The following UBE2F variants were observed in gnomAD, a reference collection of about 807,000 sequenced individuals.
The protein encoded by UBE2F is NEDD8-conjugating enzyme UBE2F.
A neutral mutation model predicts 29.6 loss-of-function variants in UBE2F; 5 were observed. That is an observed-to-expected ratio of 0.17 (90% CI 0.09 to 0.36). The LOEUF is 0.36. Ranked by LOEUF, UBE2F falls within the 10% of genes least tolerant of loss-of-function variation. The pLI is 1.00. For synonymous variants in UBE2F, 66 were observed against 81.8 expected, an observed-to-expected ratio of 0.81 and a Z score of 1.04; for missense variants, 141 against 228.5, an observed-to-expected ratio of 0.62 and a Z score of 2.47.
intron 4 of UBE2F, among the ~76,000 whole-genome samples, chr2:237,996,313 T>G (rs1162513977): frequency 1.3e-5 from 2 of 152,206 alleles, no homozygotes; most frequent in Non-Finnish European, 2.9e-5. Flanking sequence ...CTAGGGCATT[T>G]TCAATGGCTA....
intron 5 of UBE2F, among the ~76,000 whole-genome samples, chr2:238,017,064 C>G (rs1029854634): frequency 3.3e-5 from 5 of 152,142 alleles, no homozygotes; most frequent in African/African-American, 1.2e-4. Context: ...TCATGTTAAT[C>G]CCTCAAAGAT....
At chr2:238,005,321 G>A (rs1313522080) in intron 4 of UBE2F, among the ~76,000 whole-genome samples, 1 of 152,028 alleles carries the variant, frequency 6.6e-6, no homozygotes. Context: ...TCAGCCTCCT[G>A]AGGTAGCTGG....
At chr2:238,015,762 T>A (rs1409182069) in intron 4 of UBE2F, among the ~76,000 whole-genome samples, 2 of 152,234 alleles carry the variant, frequency 1.3e-5, no homozygotes, top group African/African-American at 4.8e-5. Context: ...TCTGTCAAAT[T>A]TGAAAATTGA....
At chr2:237,977,392 C>A (rs965412633) in intron 2 of UBE2F, among the ~76,000 whole-genome samples, 1 of 152,332 alleles carries the variant, frequency 6.6e-6, no homozygotes. Context: ...TCCTTCCACT[C>A]ACCTCAGGGG....
At chr2:237,970,737 G>A (rs1226761735) in intron 1 of UBE2F, among the ~76,000 whole-genome samples, 1 of 152,200 alleles carries the variant, frequency 6.6e-6, no homozygotes, top group East Asian at 1.9e-4. Context: ...CTTTTGAGAT[G>A]CGGTTTCACT....
At chr2:237,978,986 C>T (rs1340710180) in intron 2 of UBE2F, among the ~76,000 whole-genome samples, 1 of 152,198 alleles carries the variant, frequency 6.6e-6, no homozygotes, top group Non-Finnish European at 1.5e-5. Flanking sequence ...CTGTCTGTCT[C>T]CCTGTTCTTT....
chr2:237,989,077 A>AT (rs148902290), intron 3 of UBE2F, among the ~76,000 whole-genome samples: 8,027 of 152,282 alleles, frequency 0.053, 574 homozygotes, highest in East Asian at 0.2. Context: ...TCATTTTAGT[A>AT]TTTTTTGAAT....
chr2:237,977,667 G>A (rs2063308994), intron 2 of UBE2F, among the ~76,000 whole-genome samples: 3 of 152,112 alleles, frequency 2.0e-5, no homozygotes, highest in South Asian at 4.1e-4. Context: ...GGAGGCTGCT[G>A]TGGCTGTTGG....
At chr2:238,039,006 A>G (rs821503) in intron 9 of UBE2F, among the ~76,000 whole-genome samples, 127,194 of 152,246 alleles carry the variant, frequency 0.84, 53,239 homozygotes, top group East Asian at 0.97. Context: ...AAGCTGAGGC[A>G]GGCAGATCAC....
intron 2 of UBE2F, among the ~76,000 whole-genome samples, chr2:237,985,006 A>C (rs2063452667): frequency 6.6e-6 from 1 of 151,708 alleles, no homozygotes; most frequent in Non-Finnish European, 1.5e-5. Context: ...CAAAAAAAAA[A>C]AAAAAAAATA....
At position 237,973,095 on chromosome 2, in the gene UBE2F, A is replaced by G. The variant is rs1232727024; in HGVS notation, c.-13A>G. 1.2e-6 allele frequency: 2 copies of G among 1,606,948 alleles called. No homozygotes were observed. Among genetic ancestry groups the G allele is most frequent in the Admixed American group, 1.7e-5 (1 of 59,858 alleles). On this transcript the variant is annotated 5_prime_UTR_variant, in exon 2 of 10. It removes the in-frame stop codon of an upstream open reading frame in the 5' UTR. Transcript: ENST00000272930. ...TGCTTTCATTGCTGTCTTTCAGGGT[A>G]AAGGCAGCAGTAATGCTAACGCTAG...
At chr2:238,009,576 T>C (rs191906050) in intron 4 of UBE2F, among the ~76,000 whole-genome samples, 1 of 152,338 alleles carries the variant, frequency 6.6e-6, no homozygotes, top group East Asian at 1.9e-4. Context: ...TCCATTTCTT[T>C]CCTCATTATG....
At chr2:237,983,341 C>G (rs1343480606) in intron 2 of UBE2F, among the ~76,000 whole-genome samples, 1 of 152,260 alleles carries the variant, frequency 6.6e-6, no homozygotes. Context: ...AGAGCATGTC[C>G]TGGCCCTGAG....
chr2:237,992,037 T>C (rs549133283), intron 3 of UBE2F, among the ~76,000 whole-genome samples: 1 of 152,212 alleles, frequency 6.6e-6, no homozygotes, highest in East Asian at 1.9e-4. Context: ...GCTAATTTTT[T>C]GTATTTTTAG....
At chr2:238,001,572 T>C (rs1157167776) in intron 4 of UBE2F, among the ~76,000 whole-genome samples, 4 of 152,050 alleles carry the variant, frequency 2.6e-5, no homozygotes, top group Non-Finnish European at 5.9e-5. Flanking sequence ...AATGCCAGCA[T>C]TTTGGGAGGC....
chr2:238,030,887 A>C (rs1297005585), intron 7 of UBE2F, among the ~76,000 whole-genome samples: 2 of 152,170 alleles, frequency 1.3e-5, no homozygotes, highest in East Asian at 3.9e-4. Context: ...CAGCCAAACC[A>C]CCCGCCACAT....
At chr2:238,019,485 A>G (rs1431280462) in intron 5 of UBE2F, among the ~76,000 whole-genome samples, 1 of 151,312 alleles carries the variant, frequency 6.6e-6, no homozygotes, top group East Asian at 2.0e-4. Context: ...TCCTGCCTCA[A>G]CCTCCTGAGG....
At chr2:237,991,163 C>T (rs527695284) in intron 3 of UBE2F, among the ~76,000 whole-genome samples, 1 of 152,244 alleles carries the variant, frequency 6.6e-6, no homozygotes, top group South Asian at 2.1e-4. Flanking sequence ...TGCTCCCTGC[C>T]CCTTCTTTCA....
intron 2 of UBE2F, among the ~76,000 whole-genome samples, chr2:237,983,467 G>A (rs577619358): frequency 2.8e-4 from 42 of 152,154 alleles, no homozygotes; most frequent in African/African-American, 9.2e-4. Context: ...AATGGGCCAC[G>A]TGCCTCTACA....
Sources: allele counts gnomAD v4.1 joint callset (sites outside exome capture counted in the v4.1 genomes callset), GRCh38; gene constraint gnomAD v4.1.1; transcripts MANE v1.5; gene names NCBI Gene and HGNC (gene_info 2026-07-23, HGNC 2026-07-21).